WASHC3: variants seen among roughly 807,000 people sequenced by gnomAD.
The protein encoded by WASHC3 is WASH complex subunit CCDC53.
In WASHC3, 24 loss-of-function variants were observed where a neutral mutation model predicts 26.1. That is an observed-to-expected ratio of 0.92 (90% CI 0.66 to 1.29). The LOEUF is 1.29. Among genes scored for constraint, WASHC3 ranks in the 50% most tolerant of loss-of-function variants. The pLI is 0.00. For synonymous variants in WASHC3, 77 were observed against 75.7 expected, an observed-to-expected ratio of 1.02 and a Z score of -0.09; for missense variants, 214 against 229.6, an observed-to-expected ratio of 0.93 and a Z score of 0.44.
At chr12:102,049,203 T>C (rs1225692854) in intron 2 of WASHC3, among the ~76,000 whole-genome samples, 3 of 152,228 alleles carry the variant, frequency 2.0e-5, no homozygotes, top group East Asian at 1.9e-4. Flanking sequence ...CTGGTCTCTA[T>C]CCACTAAATG....
At chr12:102,027,972 G>A (rs1877270735) in intron 5 of WASHC3, among the ~76,000 whole-genome samples, 1 of 151,708 alleles carries the variant, frequency 6.6e-6, no homozygotes, top group Non-Finnish European at 1.5e-5. Flanking sequence ...ACCTCTGAAA[G>A]CAATATTGTT....
chr12:102,048,820 C>T (rs12424647), intron 2 of WASHC3, among the ~76,000 whole-genome samples: 46,355 of 152,014 alleles, frequency 0.3, 7,491 homozygotes, highest in East Asian at 0.42. Context: ...GCATTTTATT[C>T]TATCCACCTG....
chr12:102,057,242 A>G (rs1001795314), intron 2 of WASHC3, among the ~76,000 whole-genome samples: 4 of 152,162 alleles, frequency 2.6e-5, no homozygotes, highest in Non-Finnish European at 5.9e-5. Context: ...ACTCTCAACA[A>G]ATTAGGTATA....
chr12:102,018,599 A>G (rs1876810282), intron 6 of WASHC3, among the ~76,000 whole-genome samples: 1 of 151,770 alleles, frequency 6.6e-6, no homozygotes, highest in Admixed American at 6.6e-5. Context: ...TAGCCTCCCA[A>G]GTACTTGGGA....
chr12:102,028,011 A>T (rs1877273183), intron 5 of WASHC3, among the ~76,000 whole-genome samples: 1 of 151,878 alleles, frequency 6.6e-6, no homozygotes, highest in South Asian at 2.1e-4. Flanking sequence ...GATATTCTGA[A>T]AAGTGCATTA....
At chr12:102,018,699 G>T (rs975815460) in intron 6 of WASHC3, among the ~76,000 whole-genome samples, 5 of 152,144 alleles carry the variant, frequency 3.3e-5, no homozygotes, top group African/African-American at 1.2e-4. Flanking sequence ...AGAACTCCTG[G>T]CTTCAAGTGA....
intron 6 of WASHC3, among the ~76,000 whole-genome samples, chr12:102,024,574 G>A (rs916945008): frequency 6.6e-6 from 1 of 152,206 alleles, no homozygotes; most frequent in African/African-American, 2.4e-5. Context: ...GTTTAGGCTG[G>A]ACAGGGGATG....
Position 102,013,074 on chromosome 12 carries a change from A to C in WASHC3, c.*34T>G. 1.9e-5 allele frequency: 17 copies of C among 878,084 alleles called. No individual in the cohort carries two copies. The highest frequency in any genetic ancestry group is 2.8e-5 in the Non-Finnish European group (15 of 541,756). The allele number at this position is 878,084 out of a possible 1,614,324, so 54.4% of individuals were successfully genotyped here. ...TCTTACAGAATGTAAATGTACCCCT[A>C]TGCATGCATATGTAATTCTTATCAA... On this transcript the variant is annotated 3_prime_UTR_variant, in exon 7 of 7. Coordinates refer to ENST00000240079, the MANE Select transcript of WASHC3 (RefSeq NM_016053.4).
At chr12:102,013,965 G>C (rs144617396) in intron 6 of WASHC3, among the ~76,000 whole-genome samples, 98 of 152,082 alleles carry the variant, frequency 6.4e-4, no homozygotes, top group African/African-American at 2.3e-3. Context: ...CAGTGTAGTG[G>C]CATTATCACT....
intron 6 of WASHC3, among the ~76,000 whole-genome samples, chr12:102,018,532 G>C (rs181889714): frequency 6.6e-6 from 1 of 152,300 alleles, no homozygotes; most frequent in African/African-American, 2.4e-5. Context: ...GAGTGCAGTG[G>C]CACGGTCAGA....
intron 2 of WASHC3, among the ~76,000 whole-genome samples, 166 bp from the exon 3 acceptor site, chr12:102,046,285 T>C (rs1878161012): frequency 6.6e-6 from 1 of 150,984 alleles, no homozygotes; most frequent in South Asian, 2.1e-4. Context: ...ATTACGTGTA[T>C]TATAATGCTT....
intron 5 of WASHC3, among the ~76,000 whole-genome samples, chr12:102,031,262 A>T (rs1019490091): frequency 1.3e-5 from 2 of 152,198 alleles, no homozygotes; most frequent in Non-Finnish European, 1.5e-5. Context: ...AGCATAGGTA[A>T]TATGGCAGGG....
At chr12:102,031,059 A>G (rs558197159) in intron 5 of WASHC3, among the ~76,000 whole-genome samples, 4 of 152,322 alleles carry the variant, frequency 2.6e-5, no homozygotes, top group Non-Finnish European at 5.9e-5. Context: ...TCAAGGCAAC[A>G]TGGAGGGTTC....
Position 102,013,165 on chromosome 12 carries a change from G to T in WASHC3, c.528C>A (p.Gly176=). Residue 176 remains glycine, a synonymous_variant, in exon 7 of 7, where the codon GGC becomes GGA. Coordinates refer to ENST00000240079, the MANE Select transcript of WASHC3 (RefSeq NM_016053.4). The part of the protein sequence containing the change: ...LERPDAPVPD[G]ESEKTVEESS... The stretch of plus-strand genomic sequence containing the variant: ...TTTCTTCTACAGTTTTCTCACTTTC[G>T]CCATCAGGCACTGGAGCATCTGGCC... 6.5e-7 allele frequency: 1 copy of T among 1,546,996 alleles called. No individual in the cohort carries two copies.
intron 2 of WASHC3, among the ~76,000 whole-genome samples, chr12:102,051,902 G>T (rs1381430642): frequency 1.3e-5 from 2 of 152,280 alleles, no homozygotes; most frequent in African/African-American, 2.4e-5. Flanking sequence ...AATATTAGTT[G>T]TTATCTCATT....
intron 5 of WASHC3, among the ~76,000 whole-genome samples, chr12:102,034,292 T>A (rs1877559904): frequency 6.6e-6 from 1 of 152,132 alleles, no homozygotes; most frequent in Non-Finnish European, 1.5e-5. Flanking sequence ...GATACAAAGC[T>A]ATCTGTATTC....
chr12:102,059,482 A>G (rs1594375043), intron 2 of WASHC3, among the ~76,000 whole-genome samples: 1 of 152,178 alleles, frequency 6.6e-6, no homozygotes, highest in Non-Finnish European at 1.5e-5. Flanking sequence ...TTGAGACAGG[A>G]ACAGGAGGAG....
intron 6 of WASHC3, among the ~76,000 whole-genome samples, chr12:102,021,234 T>C (rs541136033): frequency 6.6e-6 from 1 of 152,328 alleles, no homozygotes; most frequent in South Asian, 2.1e-4. Flanking sequence ...GTGAGATCAA[T>C]TTGGTCTTTT....
intron 2 of WASHC3, among the ~76,000 whole-genome samples, chr12:102,052,307 T>C (rs1878422457): frequency 6.6e-6 from 1 of 152,180 alleles, no homozygotes; most frequent in Non-Finnish European, 1.5e-5. Flanking sequence ...GACTTTGCCT[T>C]GGACCACAAC....
Sources: gnomAD v4.1 joint callset for allele counts (sites outside exome capture counted in the v4.1 genomes callset) on GRCh38, gnomAD v4.1.1 for gene constraint, MANE v1.5 for transcripts, NCBI Gene and HGNC (gene_info 2026-07-23, HGNC 2026-07-21) for gene names.